CADPS2: variants seen among roughly 807,000 people sequenced by gnomAD.
CADPS2 encodes calcium-dependent secretion activator 2.
Under a neutral mutation model 172.5 loss-of-function variants are expected in CADPS2, and 93 were observed. The ratio of observed to expected loss-of-function variants is 0.54; its 90% CI spans 0.46 to 0.64. The LOEUF is 0.64. CADPS2 is among the 30% of genes least tolerant of loss of function. The pLI is 0.00. For synonymous variants in CADPS2, 546 were observed against 555.2 expected (o/e 0.98, Z 0.23); for missense variants, 1,420 against 1,565.9 (o/e 0.91, Z 1.57).
intron 14 of CADPS2, among the ~76,000 whole-genome samples, chr7:122,462,480 G>A (rs2054575286): frequency 6.6e-6 from 1 of 151,968 alleles, no homozygotes. Context: ...GGTAGAAATG[G>A]ATTTACTTTT....
intron 8 of CADPS2, 34 bp from the exon 9 acceptor site, chr7:122,513,349 A>G (rs1670034664): frequency 6.9e-7 from 1 of 1,443,876 alleles, no homozygotes; most frequent in Non-Finnish European, 9.5e-7. Flanking sequence ...AGAATACTTC[A>G]GATGAATAAT....
chr7:122,818,692 C>T (rs910539256), intron 1 of CADPS2, among the ~76,000 whole-genome samples: 5 of 152,164 alleles, frequency 3.3e-5, no homozygotes, highest in Admixed American at 6.5e-5. Flanking sequence ...CACACCTGGT[C>T]CAGCTTACAG....
chr7:122,702,701 C>A (rs571724161), intron 2 of CADPS2: 1 of 1,612,344 alleles, frequency 6.2e-7, no homozygotes, highest in African/African-American at 1.3e-5. Context: ...CCTCAAAAGT[C>A]CAGATGAAAC....
At chr7:122,385,489 C>T (rs908333844) in intron 24 of CADPS2, among the ~76,000 whole-genome samples, 2 of 151,864 alleles carry the variant, frequency 1.3e-5, no homozygotes, top group Non-Finnish European at 2.9e-5. Context: ...GAAGAGTCAC[C>T]CTGAGTTTGA....
chr7:122,470,744 C>T (rs763708440), intron 14 of CADPS2, among the ~76,000 whole-genome samples: 2 of 152,110 alleles, frequency 1.3e-5, no homozygotes, highest in Non-Finnish European at 2.9e-5. Context: ...GATCCACCCT[C>T]CTTGGCCTCT....
At chr7:122,402,329 A>G (rs1468428703) in intron 20 of CADPS2, among the ~76,000 whole-genome samples, 1 of 152,172 alleles carries the variant, frequency 6.6e-6, no homozygotes, top group Non-Finnish European at 1.5e-5. Flanking sequence ...TTTTTATACA[A>G]TGAAATGAGA....
intron 5 of CADPS2, among the ~76,000 whole-genome samples, chr7:122,620,724 G>A (rs146174044): frequency 2.2e-4 from 34 of 152,226 alleles, no homozygotes; most frequent in African/African-American, 7.2e-4. Context: ...ACCTAATAAT[G>A]TGCATTAGAA....
At chr7:122,726,773 C>CAA (rs35290526) in intron 2 of CADPS2, among the ~76,000 whole-genome samples, 101,838 of 129,210 alleles carry the variant, frequency 0.79, 40,043 homozygotes, top group Middle Eastern at 0.89. Context: ...CTTCCTGATA[C>CAA]AAAAAAAAAA....
intron 7 of CADPS2, among the ~76,000 whole-genome samples, chr7:122,566,900 G>T (rs2066545889): frequency 6.6e-6 from 1 of 152,148 alleles, no homozygotes; most frequent in Non-Finnish European, 1.5e-5. Context: ...TACACTGTGA[G>T]TCAGAAACTG....
chr7:122,614,385 T>C (rs1029186173), intron 6 of CADPS2, among the ~76,000 whole-genome samples: 1 of 152,146 alleles, frequency 6.6e-6, no homozygotes, highest in African/African-American at 2.4e-5. Context: ...CAGTGCCTAT[T>C]TGGGATCTCA....
chr7:122,650,726 T>C (rs542347042), intron 3 of CADPS2, among the ~76,000 whole-genome samples: 109 of 152,286 alleles, frequency 7.2e-4, no homozygotes, highest in Middle Eastern at 3.4e-3. Context: ...GCAACACTAA[T>C]AAAGCCTATA....
intron 7 of CADPS2, among the ~76,000 whole-genome samples, chr7:122,572,556 A>G (rs893314563): frequency 1.3e-5 from 2 of 152,172 alleles, no homozygotes; most frequent in African/African-American, 4.8e-5. Flanking sequence ...ATTTTTTTGT[A>G]CTGAAGATGA....
At chr7:122,645,132 C>T (rs1235631114) in intron 3 of CADPS2, among the ~76,000 whole-genome samples, 3 of 150,724 alleles carry the variant, frequency 2.0e-5, no homozygotes, top group South Asian at 4.2e-4. Context: ...TAACCTCATA[C>T]ATAAAAACCG....
intron 7 of CADPS2, among the ~76,000 whole-genome samples, chr7:122,577,239 C>G (rs1353098210): frequency 6.6e-6 from 1 of 152,036 alleles, no homozygotes; most frequent in Non-Finnish European, 1.5e-5. Context: ...TTAGGTATTT[C>G]TTCACAGCAG....
intron 28 of CADPS2, chr7:122,328,650 T>TTTGTG (rs1049387749): frequency 6.6e-6 from 1 of 152,220 alleles, no homozygotes; most frequent in African/African-American, 2.4e-5. Context: ...TTTTCTTCTT[T>TTTGTG]TTGTGGTTCA....
At chr7:122,803,594 C>T (rs17144901) in intron 1 of CADPS2, among the ~76,000 whole-genome samples, 28,474 of 152,032 alleles carry the variant, frequency 0.19, 2,776 homozygotes, top group Middle Eastern at 0.27. Flanking sequence ...GGCTTGGCAG[C>T]TCATGCCTCT....
At chr7:122,411,197 T>G (rs1350529079) in intron 19 of CADPS2, among the ~76,000 whole-genome samples, 1 of 151,878 alleles carries the variant, frequency 6.6e-6, no homozygotes, top group Non-Finnish European at 1.5e-5. Flanking sequence ...TTTCTACTTT[T>G]TATTAAAACC....
intron 17 of CADPS2, among the ~76,000 whole-genome samples, chr7:122,432,202 G>C (rs1176791492): frequency 6.6e-6 from 1 of 152,124 alleles, no homozygotes; most frequent in Non-Finnish European, 1.5e-5. Context: ...ATGCAAGTAT[G>C]AATCTCATAT....
intron 1 of CADPS2, among the ~76,000 whole-genome samples, chr7:122,748,729 C>G (rs1588961894): frequency 6.6e-6 from 1 of 152,268 alleles, no homozygotes. Flanking sequence ...AGCTCATCAT[C>G]TTTGTGCACC....
Sources: allele counts gnomAD v4.1 joint callset (sites outside exome capture counted in the v4.1 genomes callset), GRCh38; gene constraint gnomAD v4.1.1; transcripts MANE v1.5; gene names NCBI Gene and HGNC (gene_info 2026-07-23, HGNC 2026-07-21).